Variants in BNC2 observed in about 807,000 individuals in gnomAD.
BNC2 encodes basonuclin zinc finger protein 2, also known as zinc finger protein basonuclin-2.
In BNC2, 20 loss-of-function variants were observed where a neutral mutation model predicts 76.3. The ratio of observed to expected loss-of-function variants is 0.26; its 90% confidence interval spans 0.18 to 0.38. The LOEUF is 0.38. Among genes scored for constraint, BNC2 ranks in the 10% least tolerant of loss-of-function variants. BNC2 has a pLI of 1.00. For missense variants in BNC2, 1,382 were observed against 1,399.8 expected (o/e 0.99, Z 0.20); for synonymous variants, 582 against 514.8 (o/e 1.13, Z -1.77).
chr9:16,837,580 C>T (rs1028441554), intron 1 of BNC2, among the ~76,000 whole-genome samples: 1 of 152,198 alleles, frequency 6.6e-6, no homozygotes, highest in African/African-American at 2.4e-5. Flanking sequence ...CTTCCATCTC[C>T]AGCCTCGAAG....
At chr9:16,493,132 AAG>A (rs1822312873) in intron 5 of BNC2, among the ~76,000 whole-genome samples, 1 of 152,156 alleles carries the variant, frequency 6.6e-6, no homozygotes, top group Non-Finnish European at 1.5e-5. Flanking sequence ...TCCTATTTCG[AAG>A]AAATAAAGTA....
chr9:16,744,138 T>G (rs1452656746), intron 1 of BNC2, among the ~76,000 whole-genome samples: 2 of 151,970 alleles, frequency 1.3e-5, no homozygotes, highest in African/African-American at 4.8e-5. Flanking sequence ...GGCTAATTTT[T>G]TTTTGTATTT....
In BNC2 at chr9:16,729,968, C is replaced by T. The variant is rs554217492; in HGVS notation, c.130-1971G>A. Among the ~76,000 whole-genome samples the T allele has an allele frequency of 1.2e-4, 18 of 152,016 alleles. 2 individuals carry two copies. In the South Asian group the frequency reaches 3.5e-3, roughly 30 times the overall value. ...TTGCCTGTGTGTTTTTGCCTGTGTTCTCTCTCGCCTCTCACTCGCCCTCTC... is the reference window on the plus strand; with the variant it reads ...TTGCCTGTGTGTTTTTGCCTGTGTTTTCTCTCGCCTCTCACTCGCCCTCTC... On this transcript the variant is annotated intron_variant, in intron 2 of 6. Coordinates refer to ENST00000380672, the MANE Select transcript of BNC2 (RefSeq NM_017637.6).
At chr9:16,473,231 G>T (rs1357797158) in intron 5 of BNC2, 1 of 152,174 alleles carries the variant, frequency 6.6e-6, no homozygotes, top group Admixed American at 6.5e-5. Context: ...CATGGACGAA[G>T]AGTCAGAAGA....
intron 5 of BNC2, among the ~76,000 whole-genome samples, chr9:16,515,333 T>C (rs1378240696): frequency 1.3e-5 from 2 of 152,200 alleles, no homozygotes; most frequent in Non-Finnish European, 2.9e-5. Flanking sequence ...CTGTGTTTGC[T>C]GGGCTCCAGT....
intron 3 of BNC2, chr9:16,685,526 A>G (rs1822949660): frequency 1.5e-6 from 2 of 1,297,264 alleles, no homozygotes; most frequent in Non-Finnish European, 2.0e-6. Context: ...CTAGCTGAGA[A>G]AACAGTTAAG....
chr9:16,436,431 G>C lies in BNC2; in HGVS notation c.1763C>G (p.Ser588Cys), dbSNP rs1470415161. 3 of 1,614,122 alleles carry C rather than the reference G, an allele frequency of 1.9e-6. No homozygotes were observed. Among genetic ancestry groups the C allele is most frequent in the Non-Finnish European group, 2.5e-6 (3 of 1,180,030 alleles). ...TPGEMVSPPT[S>C]LPTSPIIPTS... Reference sequence around the variant, plus strand: ...TGGAATGATGGGACTGGTTGGGAGGGAGGTTGGAGGACTCACCATTTCCCC... The same window carrying C: ...TGGAATGATGGGACTGGTTGGGAGGCAGGTTGGAGGACTCACCATTTCCCC... Residue 588 changes from serine (S) to cysteine (C), a missense_variant, in exon 6 of 7, where the codon TCC becomes TGC. Ser to Cys is a moderately radical substitution (Grantham distance 112). Around this residue, in one of 3 missense-constraint regions of BNC2, gnomAD observed 798 missense variants for 775.5 expected, o/e 1.03. Coordinates refer to ENST00000380672, the MANE Select transcript of BNC2 (RefSeq NM_017637.6).
intron 4 of BNC2, among the ~76,000 whole-genome samples, chr9:16,575,013 G>A (rs922562030): frequency 6.6e-6 from 1 of 152,138 alleles, no homozygotes; most frequent in Non-Finnish European, 1.5e-5. Context: ...ACTTTTATAG[G>A]AAGTTAGTGA....
At position 16,570,517 on chromosome 9, in the gene BNC2, T is replaced by C. The variant is rs114550484; in HGVS notation, c.433+12466A>G. Reference sequence around the variant, plus strand: ...TGCATATATCAAGTATCAAACTGCTTTGTATCAGTAACCGGTGGGATAAAA... The same window carrying C: ...TGCATATATCAAGTATCAAACTGCTCTGTATCAGTAACCGGTGGGATAAAA... On this transcript the variant is annotated intron_variant, in intron 4 of 6. Transcript: ENST00000380672. Among the ~76,000 whole-genome samples the C allele has an allele frequency of 7.4e-3, 1,134 of 152,292 alleles. 15 individuals are homozygous for C. The highest frequency in any genetic ancestry group is 0.026 in the African/African-American group (1,090 of 41,560).
At chr9:16,552,890 T>C (rs1818709228) in intron 4 of BNC2, 125 bp from the exon 5 acceptor site, 4 of 755,782 alleles carry the variant, frequency 5.3e-6, no homozygotes, top group Non-Finnish European at 9.1e-6. Flanking sequence ...ATGTTCGCCA[T>C]AGGTGTTTAA....
chr9:16,749,655 G>A (rs1357680329), intron 1 of BNC2, among the ~76,000 whole-genome samples: 8 of 151,468 alleles, frequency 5.3e-5, no homozygotes, highest in Non-Finnish European at 7.4e-5. Context: ...AGCCATGATT[G>A]TGCCACTGCT....
intron 5 of BNC2, among the ~76,000 whole-genome samples, chr9:16,490,395 C>A (rs1040243652): frequency 2.0e-5 from 3 of 152,160 alleles, no homozygotes. Flanking sequence ...CAATTACCTC[C>A]CCCTGGGTCC....
At chr9:16,713,445 CTTTTTTT>C (rs34090221) in intron 3 of BNC2, among the ~76,000 whole-genome samples, 3 of 128,214 alleles carry the variant, frequency 2.3e-5, no homozygotes, top group Non-Finnish European at 3.2e-5. Flanking sequence ...GGAAAAGGCA[CTTTTTTT>C]TTTTTTTTTT....
chr9:16,512,806 G>T (rs1208786516), intron 5 of BNC2, among the ~76,000 whole-genome samples: 2 of 152,030 alleles, frequency 1.3e-5, no homozygotes, highest in African/African-American at 4.8e-5. Context: ...CTGGCATAAA[G>T]CATAACTTTC....
At chr9:16,590,880 GA>G (rs1237221824) in intron 3 of BNC2, among the ~76,000 whole-genome samples, 2 of 152,136 alleles carry the variant, frequency 1.3e-5, no homozygotes, top group Non-Finnish European at 2.9e-5. Context: ...TAATGAATCT[GA>G]AAGCTAATTA....
chr9:16,623,077 C>G (rs902476319), intron 3 of BNC2, among the ~76,000 whole-genome samples: 1 of 152,050 alleles, frequency 6.6e-6, no homozygotes, highest in African/African-American at 2.4e-5. Context: ...CTGTTTAATA[C>G]ATGTATTTTT....
intron 3 of BNC2, among the ~76,000 whole-genome samples, chr9:16,665,870 G>A (rs1050899858): frequency 3.3e-5 from 5 of 151,874 alleles, no homozygotes; most frequent in Non-Finnish European, 7.4e-5. Context: ...ACCTCTCCTA[G>A]TAAATCATCT....
At chr9:16,607,874 C>G (rs1189870695) in intron 3 of BNC2, among the ~76,000 whole-genome samples, 5 of 152,128 alleles carry the variant, frequency 3.3e-5, no homozygotes, top group Non-Finnish European at 7.3e-5. Flanking sequence ...AAATTTGACT[C>G]TCCTGAAACA....
intron 5 of BNC2, among the ~76,000 whole-genome samples, chr9:16,457,191 T>A (rs1353292697): frequency 6.6e-6 from 1 of 152,164 alleles, no homozygotes; most frequent in African/African-American, 2.4e-5. Flanking sequence ...AATGAAGTAG[T>A]CCTTAGGAAG....
Sources: gnomAD v4.1 joint callset for allele counts (sites outside exome capture counted in the v4.1 genomes callset) on GRCh38, gnomAD v4.1.1 for gene constraint, gnomAD v4.1.1 regional missense constraint, MANE v1.5 for transcripts, NCBI Gene and HGNC (gene_info 2026-07-23, HGNC 2026-07-21) for gene names.